The following LEO1 variants were observed in gnomAD, a reference collection of about 807,000 sequenced individuals.
The protein encoded by LEO1 is RNA polymerase-associated protein LEO1.
LEO1 carries 34 observed loss-of-function variants against 80.4 expected under a neutral mutation model. The ratio of observed to expected loss-of-function variants is 0.42; its 90% CI spans 0.32 to 0.56. LEO1 has a LOEUF of 0.56. Ranked by LOEUF, LEO1 falls within the 20% of genes least tolerant of loss-of-function variation. The pLI, the probability that LEO1 is intolerant of heterozygous loss-of-function variation, is 0.10. For missense variants in LEO1, 631 were observed against 814.2 expected, an observed-to-expected ratio of 0.77 and a Z score of 2.74; for synonymous variants, 262 against 274.9, an observed-to-expected ratio of 0.95 and a Z score of 0.46.
At chr15:51,945,262 C>CAATAAAAAAAA (rs2056889566) in intron 11 of LEO1, among the ~76,000 whole-genome samples, 1 of 80,394 alleles carries the variant, frequency 1.2e-5, no homozygotes, top group African/African-American at 4.9e-5. Flanking sequence ...ACAAAAAATA[C>CAATAAAAAAAA]AAAAAAAAAA....
At chr15:51,957,711 CCTTT>C (rs1335355686) in intron 6 of LEO1, among the ~76,000 whole-genome samples, 2 of 151,954 alleles carry the variant, frequency 1.3e-5, no homozygotes, top group Admixed American at 6.6e-5. Context: ...CCAGACTATC[CCTTT>C]CTAACAATTT....
chr15:51,938,033 A>C lies in LEO1; in HGVS notation c.*123T>G. 1 of 600,612 alleles carries C rather than the reference A, an allele frequency of 1.7e-6. No homozygotes were observed. The highest frequency in any genetic ancestry group is 2.8e-6 in the Non-Finnish European group (1 of 359,622). 37.2% of individuals were successfully genotyped at this position (600,612 alleles called of 1,614,324 possible). On this transcript the variant is annotated 3_prime_UTR_variant, in exon 12 of 12. Coordinates refer to ENST00000299601, the MANE Select transcript of LEO1 (RefSeq NM_138792.4). ...TTCTTAAACATAGAGACTTGCTTTT[A>C]AATTGTTTTATTACAATTAAAATTA...
intron 7 of LEO1, 85 bp downstream of exon 7, chr15:51,954,396 A>C: frequency 1.2e-6 from 1 of 830,406 alleles, no homozygotes; most frequent in Non-Finnish European, 2.0e-6. Flanking sequence ...ACTAATAATA[A>C]ATTTAAAACT....
intron 5 of LEO1, 131 bp downstream of exon 5, chr15:51,959,768 A>C (rs2057016007): frequency 1.3e-6 from 1 of 776,628 alleles, no homozygotes; most frequent in African/African-American, 1.8e-5. Context: ...GATGTGCTTG[A>C]CTAATTTTTT....
At chr15:51,967,368 G>C (rs557572043) in intron 1 of LEO1, among the ~76,000 whole-genome samples, 3 of 152,214 alleles carry the variant, frequency 2.0e-5, no homozygotes, top group Non-Finnish European at 4.4e-5. Flanking sequence ...AGCTACTTGA[G>C]AGGCTGAAAC....
intron 1 of LEO1, among the ~76,000 whole-genome samples, chr15:51,969,403 G>A (rs1202799291): frequency 6.6e-6 from 1 of 152,074 alleles, no homozygotes; most frequent in Non-Finnish European, 1.5e-5. Context: ...GAGAGGCCGA[G>A]GCAGGCAGAT....
At chr15:51,945,886 T>C (rs925884471) in intron 11 of LEO1, among the ~76,000 whole-genome samples, 2 of 151,586 alleles carry the variant, frequency 1.3e-5, no homozygotes, top group Admixed American at 1.3e-4. Context: ...TACGAAAAAT[T>C]AGCCAGGCAT....
intron 3 of LEO1, among the ~76,000 whole-genome samples, chr15:51,961,137 C>A (rs1316489464): frequency 6.6e-6 from 1 of 152,138 alleles, no homozygotes; most frequent in African/African-American, 2.4e-5. Flanking sequence ...AATCCCAGCA[C>A]TTTGGGAGGC....
At chr15:51,940,521 AC>A (rs2056841883) in intron 11 of LEO1, among the ~76,000 whole-genome samples, 2 of 151,420 alleles carry the variant, frequency 1.3e-5, no homozygotes, top group South Asian at 4.2e-4. Flanking sequence ...AGACCACACC[AC>A]CACACTCCAG....
In LEO1 at chr15:51,953,254, C is replaced by T. The variant is rs766029290; in HGVS notation, c.1350G>A (p.Leu450=). 2.5e-6 allele frequency: 4 copies of T among 1,612,610 alleles called. No individual in the cohort carries two copies. Among genetic ancestry groups the T allele is most frequent in the Non-Finnish European group, 1.7e-6 (2 of 1,179,552 alleles). ...IVKWSDGSMS[L]HLGNEVFDVY... is the part of the protein sequence containing the mutation. ...CATCAAACACTTCATTGCCTAAATGCAGGGACATGCTGGAAAGAGAAACAT... is the reference window on the plus strand; with the variant it reads ...CATCAAACACTTCATTGCCTAAATGTAGGGACATGCTGGAAAGAGAAACAT... Residue 450 remains leucine, a synonymous_variant, in exon 8 of 12, where the codon CTG becomes CTA. Coordinates refer to ENST00000299601, the MANE Select transcript of LEO1 (RefSeq NM_138792.4).
chr15:51,970,164 T>A (rs1188159238), intron 1 of LEO1, among the ~76,000 whole-genome samples: 1 of 152,168 alleles, frequency 6.6e-6, no homozygotes, highest in African/African-American at 2.4e-5. Context: ...ATGAATTTAT[T>A]TATTTTTTTG....
intron 11 of LEO1, among the ~76,000 whole-genome samples, chr15:51,941,566 T>C (rs1196542691): frequency 1.3e-5 from 2 of 152,216 alleles, no homozygotes; most frequent in Non-Finnish European, 2.9e-5. Flanking sequence ...TCCATGTTTC[T>C]TTCAGCTTGG....
In LEO1 at chr15:51,953,260, C is replaced by A; in HGVS notation, c.1344G>T (p.Met448Ile). Reference protein sequence around the residue: ...ARIVKWSDGSMSLHLGNEVFD... With the variant: ...ARIVKWSDGSISLHLGNEVFD... ...ACACTTCATTGCCTAAATGCAGGGA[C>A]ATGCTGGAAAGAGAAACATTTCATC... Residue 448 changes from methionine (M) to isoleucine (I), a missense_variant, in exon 8 of 12, where the codon ATG becomes ATT. By Grantham distance (10) the Met-to-Ile change is conservative (BLOSUM62 1). Coordinates refer to ENST00000299601, the MANE Select transcript of LEO1 (RefSeq NM_138792.4). 2 of 1,612,294 alleles carry A rather than the reference C, an allele frequency of 1.2e-6. No homozygotes were observed. Among genetic ancestry groups the A allele is most frequent in the South Asian group, 2.2e-5 (2 of 90,554 alleles).
chr15:51,961,270 C>A (rs1354548674), intron 3 of LEO1, among the ~76,000 whole-genome samples: 2 of 151,930 alleles, frequency 1.3e-5, no homozygotes, highest in Non-Finnish European at 2.9e-5. Flanking sequence ...GTAATCCCAG[C>A]TACTTGGGAG....
intron 2 of LEO1, among the ~76,000 whole-genome samples, chr15:51,965,460 A>G (rs1043263206): frequency 2.0e-5 from 3 of 152,192 alleles, no homozygotes; most frequent in Non-Finnish European, 4.4e-5. Context: ...ACTCATTATC[A>G]GCTCTTCTTA....
At chr15:51,959,872 T>G in intron 5 of LEO1, 27 bp downstream of exon 5, 1 of 1,540,086 alleles carries the variant, frequency 6.5e-7, no homozygotes, top group Admixed American at 2.1e-5. Flanking sequence ...CTCAACATCC[T>G]GAAAAAATTT....
At position 51,958,785 on chromosome 15, in the gene LEO1, T is replaced by A; in HGVS notation, c.1202A>T (p.Glu401Val). ...PQYYEDEFED[E>V]EMLDEEGRTR... Reference sequence around the variant, plus strand: ...TCTACCTTCTTCATCCAGCATTTCTTCATCTTCAAATTCATCTTCATAATA... The same window carrying A: ...TCTACCTTCTTCATCCAGCATTTCTACATCTTCAAATTCATCTTCATAATA... The change falls in exon 6 of 12, where the codon GAA (glutamate) becomes GTA (valine). Residue 401 changes from glutamate to valine, a missense_variant. Around this residue, in one of 4 missense-constraint regions of LEO1, gnomAD observed 95 missense variants for 171.7 expected, o/e 0.55. Transcript: ENST00000299601. The A allele has an allele frequency of 6.3e-7, 1 of 1,599,270 alleles. No homozygotes were observed. The highest frequency in any genetic ancestry group is 8.5e-7 in the Non-Finnish European group (1 of 1,171,638).
At position 51,947,299 on chromosome 15, in the gene LEO1, C is replaced by T. The variant is rs779751480; in HGVS notation, c.1889G>A (p.Ser630Asn). ...QRLLKAKKLT[S>N]DEEGEPSGKR... ...GAATAAATTTGGTCTTACCTCATCA[C>T]TGGTAAGTTTCTTTGCTTTGAGTAA... is the stretch of plus-strand genomic sequence containing the variant. Residue 630 changes from serine (S) to asparagine (N), a missense_variant, in exon 11 of 12, where the codon AGT (serine) becomes AAT (asparagine). Coordinates refer to ENST00000299601, the MANE Select transcript of LEO1 (RefSeq NM_138792.4). The T allele has an allele frequency of 7.5e-6, 12 of 1,607,768 alleles. No homozygotes were observed. The East Asian group carries it at 2.7e-4, about 36-fold the overall frequency.
rs1197424612 is a variant in LEO1, at chr15:51,965,554, GA to G, written c.814+194del. Among the ~76,000 whole-genome samples, 4 of 152,280 alleles carry G rather than the reference GA, an allele frequency of 2.6e-5. No homozygotes were observed. The East Asian group carries it at 7.7e-4, about 29-fold the overall frequency. ...GACCTATCCATTAACAAATGGAAGG[GA>G]AAGGAGTAAGAAAGAATAAGTGGAT... On this transcript the variant is annotated intron_variant, in intron 2 of 11. Coordinates refer to ENST00000299601, the MANE Select transcript of LEO1 (RefSeq NM_138792.4).
Sources: allele counts gnomAD v4.1 joint callset (sites outside exome capture counted in the v4.1 genomes callset), GRCh38; gene constraint gnomAD v4.1.1; regional missense constraint gnomAD v4.1.1; transcripts MANE v1.5; gene names NCBI Gene and HGNC (gene_info 2026-07-23, HGNC 2026-07-21).